The following ITFG1 variants were observed in gnomAD, a reference collection of about 807,000 sequenced individuals.
ITFG1 encodes T-cell immunomodulatory protein.
A neutral mutation model predicts 81.8 loss-of-function variants in ITFG1; 34 were observed. The observed-to-expected ratio is 0.42, with a 90% CI of 0.32 to 0.55. The LOEUF (loss-of-function observed/expected upper bound fraction) is 0.55. Ranked by LOEUF, ITFG1 falls within the 20% of genes least tolerant of loss-of-function variation. The pLI is 0.17. For missense variants in ITFG1, 672 were observed against 755.4 expected, an observed-to-expected ratio of 0.89 and a Z score of 1.29; for synonymous variants, 285 against 270.6, an observed-to-expected ratio of 1.05 and a Z score of -0.52.
chr16:47,235,412 G>C (rs1475377874), intron 13 of ITFG1, among the ~76,000 whole-genome samples: 3 of 152,182 alleles, frequency 2.0e-5, no homozygotes. Flanking sequence ...TGGAAAATAG[G>C]CTGTGGTCAG....
chr16:47,374,982 T>A (rs1567478702), intron 7 of ITFG1, among the ~76,000 whole-genome samples: 1 of 152,226 alleles, frequency 6.6e-6, no homozygotes. Context: ...GCTTATTTTT[T>A]ATCAGCATTT....
chr16:47,287,156 C>T (rs796705258), intron 10 of ITFG1, among the ~76,000 whole-genome samples: 1 of 152,156 alleles, frequency 6.6e-6, no homozygotes, highest in Non-Finnish European at 1.5e-5. Context: ...GAAGACCATT[C>T]TAACTCTGTA....
At chr16:47,325,969 T>A (rs1453087338) in intron 8 of ITFG1, among the ~76,000 whole-genome samples, 1 of 152,182 alleles carries the variant, frequency 6.6e-6, no homozygotes, top group Non-Finnish European at 1.5e-5. Flanking sequence ...CCCTAACTCA[T>A]TTTATGAGGC....
intron 8 of ITFG1, among the ~76,000 whole-genome samples, chr16:47,316,392 T>C (rs1285528105): frequency 6.6e-6 from 1 of 152,242 alleles, no homozygotes; most frequent in Non-Finnish European, 1.5e-5. Flanking sequence ...CAAATTTTTT[T>C]CGGAACCATG....
At chr16:47,326,353 C>T (rs1967541608) in intron 8 of ITFG1, among the ~76,000 whole-genome samples, 1 of 152,064 alleles carries the variant, frequency 6.6e-6, no homozygotes, top group Non-Finnish European at 1.5e-5. Context: ...TATGACAAAC[C>T]CACAGCCAAT....
At chr16:47,257,479 ATGGGTGGGAAC>A (rs1966153972) in intron 12 of ITFG1, among the ~76,000 whole-genome samples, 1 of 152,178 alleles carries the variant, frequency 6.6e-6, no homozygotes, top group South Asian at 2.1e-4. Flanking sequence ...TACTACTAGC[ATGGGTGGGAAC>A]TGGTTACAAT....
At chr16:47,415,385 T>A (rs1178524599) in intron 6 of ITFG1, among the ~76,000 whole-genome samples, 1 of 152,112 alleles carries the variant, frequency 6.6e-6, no homozygotes, top group Non-Finnish European at 1.5e-5. Context: ...TCGAAGAAAG[T>A]GAGACAATCA....
At chr16:47,438,030 A>G (rs1386963850) in intron 5 of ITFG1, among the ~76,000 whole-genome samples, 1 of 152,200 alleles carries the variant, frequency 6.6e-6, no homozygotes, top group South Asian at 2.1e-4. Context: ...ACACCAGGAG[A>G]TTACATCCTG....
chr16:47,183,512 GC>G, intron 14 of ITFG1, among the ~76,000 whole-genome samples: 1 of 152,116 alleles, frequency 6.6e-6, no homozygotes, highest in African/African-American at 2.4e-5. Flanking sequence ...GGGAGGCACC[GC>G]CCAGCAGGGG....
Position 47,327,677 on chromosome 16 carries a change from A to T in ITFG1, c.803-13854T>A, listed in dbSNP as rs767400719. Among the ~76,000 whole-genome samples, 361 of 152,366 alleles carry T rather than the reference A, an allele frequency of 2.4e-3. 1 individual carries two copies. Among genetic ancestry groups the T allele is most frequent in the Non-Finnish European group, 4.4e-3 (300 of 68,040 alleles). Reference sequence around the variant, plus strand: ...AAAAGTGGGCAAAGGATATGAACAGACACTTCTCAAAAGAAGACATTTATG... The same window carrying T: ...AAAAGTGGGCAAAGGATATGAACAGTCACTTCTCAAAAGAAGACATTTATG... On this transcript the variant is annotated intron_variant, in intron 8 of 17. Coordinates refer to ENST00000320640, the MANE Select transcript of ITFG1 (RefSeq NM_030790.5).
chr16:47,175,670 G>T (rs1965016289), intron 14 of ITFG1, among the ~76,000 whole-genome samples: 1 of 152,074 alleles, frequency 6.6e-6, no homozygotes, highest in Non-Finnish European at 1.5e-5. Flanking sequence ...CTATTTGTGG[G>T]GTCTTATGAT....
At chr16:47,254,942 C>G (rs944860502) in intron 12 of ITFG1, among the ~76,000 whole-genome samples, 9 of 151,950 alleles carry the variant, frequency 5.9e-5, no homozygotes, top group Admixed American at 5.9e-4. Flanking sequence ...AAAAGATTAG[C>G]GAGGCATGGC....
Position 47,311,426 on chromosome 16 carries a change from G to A in ITFG1, c.898-14C>T. 2 of 1,576,152 alleles carry A rather than the reference G, an allele frequency of 1.3e-6. No individual in the cohort carries two copies. The highest frequency in any genetic ancestry group is 1.7e-6 in the Non-Finnish European group (2 of 1,161,372). ...GACTGGAACCCACTATGGATTAAGA[G>A]AAAAAGATCAGACTTTATAGTTATT... On this transcript the variant is annotated splice_polypyrimidine_tract_variant and intron_variant, in intron 9 of 17. Coordinates refer to ENST00000320640, the MANE Select transcript of ITFG1 (RefSeq NM_030790.5).
intron 10 of ITFG1, among the ~76,000 whole-genome samples, chr16:47,301,944 A>C (rs1967083206): frequency 6.6e-6 from 1 of 151,966 alleles, no homozygotes. Flanking sequence ...CCACTAACTC[A>C]CTTCATTAGG....
intron 12 of ITFG1, among the ~76,000 whole-genome samples, chr16:47,239,114 C>A (rs1965905929): frequency 6.6e-6 from 1 of 152,112 alleles, no homozygotes; most frequent in African/African-American, 2.4e-5. Flanking sequence ...TTACCAGACA[C>A]TGAATTTGCC....
At chr16:47,461,147 CG>C, upstream of ITFG1, 2 of 1,180,078 alleles carry the variant, frequency 1.7e-6, no homozygotes, top group Non-Finnish European at 2.3e-6. Context: ...CCCCGGGACG[CG>C]TAAGAGCCGC....
intron 13 of ITFG1, among the ~76,000 whole-genome samples, chr16:47,236,245 G>A (rs1965871965): frequency 6.6e-6 from 1 of 152,152 alleles, no homozygotes; most frequent in South Asian, 2.1e-4. Context: ...GGAGGCTGAG[G>A]CAGGCGGATC....
chr16:47,238,030 A>G, intron 12 of ITFG1, 22 bp from the exon 13 acceptor site: 1 of 1,359,014 alleles, frequency 7.4e-7, no homozygotes, highest in South Asian at 1.3e-5. Flanking sequence ...TAAACAGGCA[A>G]TTATTACTAT....
chr16:47,346,580 G>T (rs1016941992), intron 8 of ITFG1, among the ~76,000 whole-genome samples: 1 of 152,086 alleles, frequency 6.6e-6, no homozygotes, highest in East Asian at 1.9e-4. Flanking sequence ...GAAGAAGCAG[G>T]CATTATAACT....
Sources: allele counts gnomAD v4.1 joint callset (sites outside exome capture counted in the v4.1 genomes callset), GRCh38; gene constraint gnomAD v4.1.1; transcripts MANE v1.5; gene names NCBI Gene and HGNC (gene_info 2026-07-23, HGNC 2026-07-21).